The following ATP6V1H variants were observed in gnomAD, a reference collection of about 807,000 sequenced individuals.
ATP6V1H encodes the protein ATPase H+ transporting V1 subunit H, also known as V-type proton ATPase subunit H.
A neutral mutation model predicts 71.7 loss-of-function variants in ATP6V1H; 39 were observed. The observed-to-expected ratio is 0.54, with a 90% CI of 0.42 to 0.71. The LOEUF is 0.71. Among genes scored for constraint, ATP6V1H ranks in the 30% least tolerant of loss-of-function variants. ATP6V1H has a pLI of 0.00. For synonymous variants in ATP6V1H, 192 were observed against 199.3 expected, an observed-to-expected ratio of 0.96 and a Z score of 0.31; for missense variants, 509 against 594.9, an observed-to-expected ratio of 0.86 and a Z score of 1.50.
chr8:53,769,794 C>A (rs1808591992), intron 10 of ATP6V1H, 51 bp from the exon 11 acceptor site: 1 of 1,471,114 alleles, frequency 6.8e-7, no homozygotes, highest in Non-Finnish European at 9.2e-7. Context: ...TGACAGTACT[C>A]CAAAATTAAG....
intron 9 of ATP6V1H, among the ~76,000 whole-genome samples, chr8:53,776,941 T>C (rs1031839906): frequency 5.3e-5 from 8 of 152,032 alleles, no homozygotes; most frequent in African/African-American, 1.9e-4. Context: ...AGCTCAAAAG[T>C]GGACTGGAGA....
At chr8:53,809,869 C>G (rs1396119367) in intron 7 of ATP6V1H, among the ~76,000 whole-genome samples, 1 of 152,148 alleles carries the variant, frequency 6.6e-6, no homozygotes, top group Non-Finnish European at 1.5e-5. Context: ...TTTCCTCAGC[C>G]CACCATGGCC....
At chr8:53,743,794 T>C in intron 12 of ATP6V1H, 104 bp from the exon 13 acceptor site, 1 of 694,424 alleles carries the variant, frequency 1.4e-6, no homozygotes, top group Non-Finnish European at 2.4e-6. Flanking sequence ...AAAGTAACAA[T>C]GTACGTAAAT....
intron 12 of ATP6V1H, among the ~76,000 whole-genome samples, chr8:53,752,358 G>A (rs1056995387): frequency 1.3e-5 from 2 of 152,234 alleles, no homozygotes; most frequent in East Asian, 1.9e-4. Context: ...GTTTGAATGG[G>A]CTGGTCAACT....
intron 9 of ATP6V1H, 101 bp from the exon 10 acceptor site, chr8:53,772,268 C>T (rs1808689521): frequency 1.1e-6 from 1 of 941,304 alleles, no homozygotes; most frequent in East Asian, 2.6e-5. Flanking sequence ...TCCTCCTATT[C>T]TCAAGTTTAA....
At chr8:53,805,195 A>G (rs1165879588) in intron 7 of ATP6V1H, among the ~76,000 whole-genome samples, 1 of 152,254 alleles carries the variant, frequency 6.6e-6, no homozygotes, top group Non-Finnish European at 1.5e-5. Context: ...GTATTCATCT[A>G]CATTCTGGAA....
intron 2 of ATP6V1H, among the ~76,000 whole-genome samples, chr8:53,837,660 C>G (rs911018851): frequency 6.6e-6 from 1 of 152,052 alleles, no homozygotes; most frequent in African/African-American, 2.4e-5. Context: ...ATCAAGAAGG[C>G]GGGAGCTAGA....
chr8:53,782,252 T>C lies in ATP6V1H; in HGVS notation c.871-10085A>G, dbSNP rs1230699496. ...TTTGTAGTTCTCCTTGAAGAGGTCCTTCACATCCCTTGTAAGTTAGATTCC... is the reference window on the plus strand; with the variant it reads ...TTTGTAGTTCTCCTTGAAGAGGTCCCTCACATCCCTTGTAAGTTAGATTCC... On this transcript the variant is annotated intron_variant, in intron 9 of 13. Transcript: ENST00000359530. 2.0e-3 allele frequency among the ~76,000 whole-genome samples: 311 copies of C among 152,150 alleles called. 2 individuals are homozygous for C. The highest frequency in any genetic ancestry group is 7.2e-3 in the African/African-American group (300 of 41,450).
chr8:53,752,750 C>T (rs1161665951), intron 12 of ATP6V1H, among the ~76,000 whole-genome samples: 2 of 152,060 alleles, frequency 1.3e-5, no homozygotes, highest in African/African-American at 4.8e-5. Flanking sequence ...GGGGTTTCAC[C>T]ATGTTGGCCA....
At chr8:53,801,521 A>C (rs1263730414) in intron 8 of ATP6V1H, among the ~76,000 whole-genome samples, 2 of 152,086 alleles carry the variant, frequency 1.3e-5, no homozygotes, top group African/African-American at 4.8e-5. Context: ...ATTCATCATC[A>C]ATTATTTTCT....
intron 11 of ATP6V1H, among the ~76,000 whole-genome samples, chr8:53,763,400 T>A (rs7821878): frequency 1 from 152,324 of 152,366 alleles, 76,141 homozygotes; most frequent in East Asian, 1. Flanking sequence ...CAAAACTTAT[T>A]TTCTGAAATC....
chr8:53,744,466 C>T (rs2130190438), intron 12 of ATP6V1H, among the ~76,000 whole-genome samples: 1 of 152,340 alleles, frequency 6.6e-6, no homozygotes, highest in Non-Finnish European at 1.5e-5. Context: ...AGCTTCCACA[C>T]AACAGTGTGG....
chr8:53,803,079 G>A (rs568362524), intron 7 of ATP6V1H, among the ~76,000 whole-genome samples: 1 of 152,354 alleles, frequency 6.6e-6, no homozygotes, highest in Admixed American at 6.5e-5. Context: ...GCTCACGCCT[G>A]TGATCCCAGC....
intron 2 of ATP6V1H, among the ~76,000 whole-genome samples, chr8:53,834,660 G>A (rs562964013): frequency 2.6e-5 from 4 of 152,158 alleles, no homozygotes; most frequent in East Asian, 1.9e-4. Context: ...TCCTGATCTC[G>A]TGATCCACCT....
chr8:53,775,480 T>G (rs1808842749), intron 9 of ATP6V1H, among the ~76,000 whole-genome samples: 1 of 152,180 alleles, frequency 6.6e-6, no homozygotes, highest in African/African-American at 2.4e-5. Context: ...GATTGGTGGT[T>G]TACAATCCCT....
At chr8:53,842,415 A>C (rs1811372320) in intron 1 of ATP6V1H, 1 of 152,226 alleles carries the variant, frequency 6.6e-6, no homozygotes, top group Non-Finnish European at 1.5e-5. Context: ...CCAGATACAA[A>C]CGACTGATTT....
intron 8 of ATP6V1H, among the ~76,000 whole-genome samples, chr8:53,796,296 G>A (rs1377120536): frequency 6.6e-6 from 1 of 151,890 alleles, no homozygotes; most frequent in Non-Finnish European, 1.5e-5. Context: ...TGAATTCGGG[G>A]GTCAGGAAAA....
intron 5 of ATP6V1H, among the ~76,000 whole-genome samples, chr8:53,816,026 CCAAA>C: frequency 6.6e-6 from 1 of 152,210 alleles, no homozygotes; most frequent in African/African-American, 2.4e-5. Flanking sequence ...GACATTTAAA[CCAAA>C]CAGTGAAGAA....
rs776956015 is a variant in ATP6V1H at position 53,795,768 on chromosome 8, A to C, written c.749T>G (p.Leu250Arg). The C allele has an allele frequency of 1.9e-6, 3 of 1,614,004 alleles. No individual in the cohort carries two copies. The South Asian group carries it at 3.3e-5, about 18-fold the overall frequency. The change falls in exon 9 of 14, where the codon CTG (leucine) becomes CGG (arginine). Residue 250 changes from leucine to arginine, a missense_variant. Leu to Arg is a moderately radical substitution (Grantham distance 102, BLOSUM62 -2). Transcript: ENST00000359530. Reference protein sequence around the residue: ...QYQMIFSIWLLAFSPQMCEHL... With the variant: ...QYQMIFSIWLRAFSPQMCEHL... The stretch of plus-strand genomic sequence containing the variant: ...TTCACACATTTGAGGACTGAATGCC[A>C]GGAGCCATATTGAAAAAATCATTTG...
Sources: allele counts gnomAD v4.1 joint callset (sites outside exome capture counted in the v4.1 genomes callset), GRCh38; gene constraint gnomAD v4.1.1; transcripts MANE v1.5; gene names NCBI Gene and HGNC (gene_info 2026-07-23, HGNC 2026-07-21).